The following RBPMS variants were observed in gnomAD, a reference collection of about 807,000 sequenced individuals.
RBPMS encodes the protein RNA-binding protein with multiple splicing.
Under a neutral mutation model 26.8 loss-of-function variants are expected in RBPMS, and 7 were observed. That is an observed-to-expected ratio of 0.26 (90% confidence interval 0.15 to 0.49). RBPMS has a LOEUF of 0.49. RBPMS is among the 20% of genes least tolerant of loss of function. RBPMS has a pLI of 0.98. For missense variants in RBPMS, 186 were observed against 250.0 expected (o/e 0.74, Z 1.73); for synonymous variants, 96 against 93.3 (o/e 1.03, Z -0.17).
At chr8:30,549,015 C>T (rs1036303014) in intron 6 of RBPMS, among the ~76,000 whole-genome samples, 2 of 152,220 alleles carry the variant, frequency 1.3e-5, no homozygotes, top group Non-Finnish European at 2.9e-5. Flanking sequence ...AGGAGTCGCC[C>T]AGCAGCGAGA....
At position 30,427,129 on chromosome 8, in the gene RBPMS, G is replaced by A. The variant is rs137953240; in HGVS notation, c.66+41971G>A. Reference sequence around the variant, plus strand: ...GTGTGCCGTCCTCAGCCTGGGCCTCGTGGCTCTAAAATTAAGCTAATCGGT... The same window carrying A: ...GTGTGCCGTCCTCAGCCTGGGCCTCATGGCTCTAAAATTAAGCTAATCGGT... On this transcript the variant is annotated intron_variant, in intron 1 of 8. Coordinates refer to ENST00000397323, the MANE Select transcript of RBPMS (RefSeq NM_001008710.3). 2.0e-3 allele frequency among the ~76,000 whole-genome samples: 305 copies of A among 152,190 alleles called. 1 individual carries two copies. Among genetic ancestry groups the A allele is most frequent in the African/African-American group, 6.6e-3 (272 of 41,520 alleles).
At chr8:30,461,926 G>C (rs539367047) in intron 1 of RBPMS, among the ~76,000 whole-genome samples, 4 of 152,210 alleles carry the variant, frequency 2.6e-5, no homozygotes, top group Non-Finnish European at 5.9e-5. Flanking sequence ...CTTTTGAGTA[G>C]ATAAGTGGGA....
At chr8:30,547,147 G>A (rs547106621) in intron 6 of RBPMS, 2 of 631,742 alleles carry the variant, frequency 3.2e-6, no homozygotes, top group Non-Finnish European at 5.5e-6. Context: ...GCAGACTGGA[G>A]CCTCTACGGG....
intron 5 of RBPMS, among the ~76,000 whole-genome samples, chr8:30,510,746 A>T (rs1205798498): frequency 2.6e-5 from 4 of 152,134 alleles, no homozygotes; most frequent in African/African-American, 9.6e-5. Context: ...CACCCAGCTA[A>T]ATCTTTATTT....
intron 4 of RBPMS, among the ~76,000 whole-genome samples, chr8:30,484,866 T>C (rs183873285): frequency 6.6e-6 from 1 of 152,336 alleles, no homozygotes; most frequent in African/African-American, 2.4e-5. Context: ...GCCTTGTACA[T>C]AATTTGTTAT....
intron 1 of RBPMS, among the ~76,000 whole-genome samples, chr8:30,454,393 G>A (rs1814954221): frequency 6.6e-6 from 1 of 152,162 alleles, no homozygotes; most frequent in South Asian, 2.1e-4. Context: ...ATGGCGAACC[G>A]TCATGAAGTA....
At chr8:30,527,482 A>C (rs1176513076) in intron 5 of RBPMS, among the ~76,000 whole-genome samples, 1 of 152,130 alleles carries the variant, frequency 6.6e-6, no homozygotes, top group African/African-American at 2.4e-5. Context: ...AACTCTTCCA[A>C]CAGTTTCTAT....
intron 5 of RBPMS, among the ~76,000 whole-genome samples, chr8:30,511,696 C>T (rs1483117500): frequency 6.7e-6 from 1 of 150,080 alleles, no homozygotes; most frequent in Non-Finnish European, 1.5e-5. Context: ...TGATGGTGTG[C>T]GCCTGTAATC....
In RBPMS at chr8:30,491,523, A is replaced by G. The variant is rs558464719; in HGVS notation, c.246+12146A>G. 2.0e-5 allele frequency among the ~76,000 whole-genome samples: 3 copies of G among 152,288 alleles called. No homozygotes were observed. The East Asian group carries it at 5.8e-4, about 29-fold the overall frequency. The stretch of plus-strand genomic sequence containing the variant: ...TGCTAAAATACTGGAGAGCAGAAAC[A>G]GGATTGTGAAAATATACTTGGAGGC... On this transcript the variant is annotated intron_variant, in intron 4 of 8. Coordinates refer to ENST00000397323, the MANE Select transcript of RBPMS (RefSeq NM_001008710.3).
chr8:30,511,414 G>T (rs1396038290), intron 5 of RBPMS, among the ~76,000 whole-genome samples: 1 of 148,222 alleles, frequency 6.7e-6, no homozygotes, highest in Non-Finnish European at 1.5e-5. Flanking sequence ...CTGAGCTCAG[G>T]AGTTTGAGAC....
intron 1 of RBPMS, among the ~76,000 whole-genome samples, chr8:30,385,656 G>A (rs1258081923): frequency 6.6e-6 from 1 of 152,072 alleles, no homozygotes; most frequent in African/African-American, 2.4e-5. Flanking sequence ...GAGGTTTTTT[G>A]GATTAATAGA....
chr8:30,521,806 T>C (rs911210692), intron 5 of RBPMS, among the ~76,000 whole-genome samples: 1 of 152,172 alleles, frequency 6.6e-6, no homozygotes, highest in African/African-American at 2.4e-5. Flanking sequence ...TTGTAAATAA[T>C]GTTACAGTGA....
At chr8:30,510,776 G>A (rs908512838) in intron 5 of RBPMS, among the ~76,000 whole-genome samples, 13 of 152,010 alleles carry the variant, frequency 8.6e-5, no homozygotes, top group Admixed American at 1.3e-4. Flanking sequence ...ATGGGGTTTC[G>A]CCACATTGGC....
At chr8:30,514,163 A>C (rs533217466) in intron 5 of RBPMS, among the ~76,000 whole-genome samples, 125 of 152,310 alleles carry the variant, frequency 8.2e-4, no homozygotes, top group African/African-American at 3.0e-3. Context: ...CTTTGTTAAG[A>C]AAAAAGCCAA....
chr8:30,456,747 C>T (rs1228311098), intron 1 of RBPMS, among the ~76,000 whole-genome samples: 1 of 152,162 alleles, frequency 6.6e-6, no homozygotes, highest in African/African-American at 2.4e-5. Context: ...TAGTGAAACC[C>T]CGTCTCTACC....
At chr8:30,483,222 G>A (rs1818453416) in intron 4 of RBPMS, among the ~76,000 whole-genome samples, 1 of 152,120 alleles carries the variant, frequency 6.6e-6, no homozygotes, top group Non-Finnish European at 1.5e-5. Context: ...CTGGTGTTTG[G>A]AAATTGGTCA....
intron 1 of RBPMS, among the ~76,000 whole-genome samples, chr8:30,460,588 T>G (rs1216545399): frequency 6.6e-6 from 1 of 152,212 alleles, no homozygotes; most frequent in African/African-American, 2.4e-5. Context: ...TTTTCTATAT[T>G]ACATCAGATA....
chr8:30,494,153 GAC>G (rs1819684790), intron 4 of RBPMS, among the ~76,000 whole-genome samples: 1 of 152,290 alleles, frequency 6.6e-6, no homozygotes, highest in Middle Eastern at 3.4e-3. Flanking sequence ...GGAGAAGCAG[GAC>G]ACACGTCAGC....
intron 1 of RBPMS, among the ~76,000 whole-genome samples, chr8:30,410,450 T>C (rs1294584169): frequency 1.3e-5 from 2 of 152,112 alleles, no homozygotes; most frequent in Non-Finnish European, 2.9e-5. Flanking sequence ...CCTTGTCATC[T>C]GCCCCCCTCG....
Sources: allele counts gnomAD v4.1 joint callset (sites outside exome capture counted in the v4.1 genomes callset), GRCh38; gene constraint gnomAD v4.1.1; transcripts MANE v1.5; gene names NCBI Gene and HGNC (gene_info 2026-07-23, HGNC 2026-07-21).